LAPTM4B: variants seen among roughly 807,000 people sequenced by gnomAD.
LAPTM4B encodes the protein lysosomal protein transmembrane 4 beta.
In LAPTM4B, 26 loss-of-function variants were observed where a neutral mutation model predicts 28.5. The observed-to-expected ratio is 0.91, with a 90% CI of 0.67 to 1.27. LAPTM4B has a LOEUF of 1.27. LAPTM4B is among the 50% of genes most tolerant of loss of function. LAPTM4B has a pLI of 0.00. For missense variants in LAPTM4B, 288 were observed against 285.8 expected (o/e 1.01, Z -0.06); for synonymous variants, 109 against 106.4 (o/e 1.02, Z -0.15).
chr8:97,801,418 G>C (rs774377022), intron 1 of LAPTM4B, among the ~76,000 whole-genome samples: 1 of 152,064 alleles, frequency 6.6e-6, no homozygotes, highest in East Asian at 1.9e-4. Flanking sequence ...CTGACCTCAG[G>C]TGATCCATCT....
chr8:97,799,558 T>TTA (rs1037273310), intron 1 of LAPTM4B, among the ~76,000 whole-genome samples: 3 of 152,210 alleles, frequency 2.0e-5, no homozygotes, highest in African/African-American at 4.8e-5. Flanking sequence ...TGTAGTCTAG[T>TTA]ATGTTGAGGC....
chr8:97,786,455 G>A (rs892568107), intron 1 of LAPTM4B, among the ~76,000 whole-genome samples: 8 of 150,556 alleles, frequency 5.3e-5, no homozygotes, highest in African/African-American at 2.0e-4. Flanking sequence ...TGTAATCCCA[G>A]CACTTTGGGA....
At chr8:97,848,979 CTGT>C (rs910761678) in intron 6 of LAPTM4B, among the ~76,000 whole-genome samples, 2 of 152,174 alleles carry the variant, frequency 1.3e-5, no homozygotes, top group Admixed American at 1.3e-4. Context: ...AGTGGAGATG[CTGT>C]TGTTAGATAC....
intron 6 of LAPTM4B, among the ~76,000 whole-genome samples, chr8:97,846,594 T>G (rs1270830697): frequency 6.6e-6 from 1 of 152,208 alleles, no homozygotes; most frequent in African/African-American, 2.4e-5. Flanking sequence ...CCCAGAGTAC[T>G]GGAATTACAG....
At chr8:97,785,569 G>C (rs1430833400) in intron 1 of LAPTM4B, among the ~76,000 whole-genome samples, 1 of 152,206 alleles carries the variant, frequency 6.6e-6, no homozygotes, top group African/African-American at 2.4e-5. Flanking sequence ...TGCAACCCCA[G>C]AATATAGACT....
chr8:97,784,012 A>G (rs1302094807), intron 1 of LAPTM4B, among the ~76,000 whole-genome samples: 10 of 152,136 alleles, frequency 6.6e-5, no homozygotes, highest in African/African-American at 2.2e-4. Flanking sequence ...CAAGCCTGAT[A>G]GATTTTCTTT....
In LAPTM4B at chr8:97,815,372, T is replaced by C. The variant is rs1816894487; in HGVS notation, c.256T>C (p.Cys86Arg). 5 of 1,614,022 alleles carry C rather than the reference T, an allele frequency of 3.1e-6. No individual in the cohort carries two copies. Among genetic ancestry groups the C allele is most frequent in the African/African-American group, 1.3e-5 (1 of 75,044 alleles). Residue 86 changes from cysteine (C) to arginine (R), a missense_variant, in exon 3 of 7, where the codon TGT becomes CGT. By Grantham distance (180) the Cys-to-Arg change is radical. Coordinates refer to ENST00000521545, the MANE Select transcript of LAPTM4B (RefSeq NM_018407.6). Reference protein sequence around the residue: ...IAISLLMILICAMATYGAYKQ... With the variant: ...IAISLLMILIRAMATYGAYKQ... ...GATTTCTCTTCTCATGATCCTGATATGTGCTATGGCTACTTACGGAGCGTA... is the reference window on the plus strand; with the variant it reads ...GATTTCTCTTCTCATGATCCTGATACGTGCTATGGCTACTTACGGAGCGTA...
intron 6 of LAPTM4B, among the ~76,000 whole-genome samples, chr8:97,827,746 G>C (rs1314918974): frequency 2.0e-5 from 3 of 152,186 alleles, no homozygotes; most frequent in African/African-American, 7.2e-5. Context: ...ACTCAGGTGC[G>C]AGCGGGCTGA....
At position 97,828,143 on chromosome 8, in the gene LAPTM4B, A is replaced by G. The variant is rs375068567; in HGVS notation, c.603+2990A>G. Among the ~76,000 whole-genome samples the G allele has an allele frequency of 1.2e-4, 19 of 152,166 alleles. 1 individual carries two copies. The East Asian group carries it at 1.5e-3, about 12-fold the overall frequency. ...ACATTCCTGGCTTTTTATATTAATA[A>G]TGGAAAAACAAAAATGAGAAAGAGT... On this transcript the variant is annotated intron_variant, in intron 6 of 6. Coordinates refer to ENST00000521545, the MANE Select transcript of LAPTM4B (RefSeq NM_018407.6).
chr8:97,799,447 T>G (rs2449557), intron 1 of LAPTM4B, among the ~76,000 whole-genome samples: 151,953 of 152,312 alleles, frequency 1, 75,803 homozygotes, highest in Middle Eastern at 1. Context: ...GACTTTTCTT[T>G]TAAGGCAGGG....
intron 2 of LAPTM4B, among the ~76,000 whole-genome samples, chr8:97,810,873 T>A (rs1816815727): frequency 6.6e-6 from 1 of 152,238 alleles, no homozygotes; most frequent in African/African-American, 2.4e-5. Context: ...TGGCTACTTA[T>A]ATATACAGTC....
intron 1 of LAPTM4B, among the ~76,000 whole-genome samples, chr8:97,776,992 CT>C (rs563539579): frequency 3.3e-5 from 5 of 152,110 alleles, no homozygotes; most frequent in Admixed American, 1.3e-4. Context: ...TGCACCAGCA[CT>C]GAGTCGGATT....
chr8:97,845,121 G>A (rs1412324652), intron 6 of LAPTM4B, among the ~76,000 whole-genome samples: 1 of 152,154 alleles, frequency 6.6e-6, no homozygotes, highest in Admixed American at 6.5e-5. Flanking sequence ...AATGTGAGAT[G>A]CCTTTTGAAT....
intron 6 of LAPTM4B, among the ~76,000 whole-genome samples, chr8:97,851,121 T>C (rs1000901725): frequency 2.0e-5 from 3 of 152,124 alleles, no homozygotes; most frequent in African/African-American, 7.2e-5. Context: ...TTTTTCCTCT[T>C]CAGAGCCATC....
intron 1 of LAPTM4B, among the ~76,000 whole-genome samples, chr8:97,780,050 C>CAAAAAAA (rs57555167): frequency 2.2e-5 from 2 of 91,896 alleles, no homozygotes; most frequent in African/African-American, 4.1e-5. Context: ...GACTCTGTCT[C>CAAAAAAA]AAAAAAAAAA....
chr8:97,776,141 G>A (rs1276786439), intron 1 of LAPTM4B, 33 bp downstream of exon 1: 2 of 1,541,832 alleles, frequency 1.3e-6, no homozygotes, highest in Non-Finnish European at 1.7e-6. Context: ...GGGACCCTGC[G>A]TTGCTTCCGC....
chr8:97,778,367 A>G (rs1816259034), intron 1 of LAPTM4B, among the ~76,000 whole-genome samples: 2 of 149,688 alleles, frequency 1.3e-5, no homozygotes, highest in South Asian at 2.1e-4. Context: ...TAATTTTGTG[A>G]TACCCTACCT....
At chr8:97,799,364 T>A (rs1816637373) in intron 1 of LAPTM4B, among the ~76,000 whole-genome samples, 1 of 152,188 alleles carries the variant, frequency 6.6e-6, no homozygotes, top group Non-Finnish European at 1.5e-5. Context: ...GCAGAGGAGC[T>A]TGGCTTTTTA....
chr8:97,803,212 A>G (rs1417282025), intron 1 of LAPTM4B, among the ~76,000 whole-genome samples: 1 of 152,064 alleles, frequency 6.6e-6, no homozygotes, highest in Non-Finnish European at 1.5e-5. Flanking sequence ...AAAAAAAGAA[A>G]AAAAGTTACT....
Sources: allele counts gnomAD v4.1 joint callset (sites outside exome capture counted in the v4.1 genomes callset), GRCh38; gene constraint gnomAD v4.1.1; transcripts MANE v1.5; gene names NCBI Gene and HGNC (gene_info 2026-07-23, HGNC 2026-07-21).